Variants in GLUD1 observed in about 807,000 individuals in gnomAD.
GLUD1 encodes the protein glutamate dehydrogenase 1, mitochondrial.
A neutral mutation model predicts 56.0 loss-of-function variants in GLUD1; 22 were observed. That is an observed-to-expected ratio of 0.39 (90% CI 0.28 to 0.56). GLUD1 has a LOEUF of 0.56. Ranked by LOEUF, GLUD1 falls within the 20% of genes least tolerant of loss-of-function variation. The probability of loss-of-function intolerance (pLI) is 0.58; values close to 1 mark genes in which losing one functional copy is unlikely to be tolerated. For synonymous variants in GLUD1, 223 were observed against 269.9 expected, an observed-to-expected ratio of 0.83 and a Z score of 1.70; for missense variants, 451 against 732.0, an observed-to-expected ratio of 0.62 and a Z score of 4.43.
chr10:87,063,909 C>T (rs943872207), intron 5 of GLUD1, among the ~76,000 whole-genome samples: 7 of 151,360 alleles, frequency 4.6e-5, no homozygotes, highest in South Asian at 2.1e-4. Flanking sequence ...GACGGAGTCT[C>T]GCTCTGTCAC....
At chr10:87,074,524 T>C in intron 4 of GLUD1, 27 bp downstream of exon 4, 2 of 1,385,018 alleles carry the variant, frequency 1.4e-6, no homozygotes, top group Non-Finnish European at 2.1e-6. Context: ...TCCCACTTTA[T>C]ACCAAAAACT....
chr10:87,069,957 G>C (rs1846186664), intron 4 of GLUD1, among the ~76,000 whole-genome samples: 1 of 152,160 alleles, frequency 6.6e-6, no homozygotes, highest in Non-Finnish European at 1.5e-5. Flanking sequence ...ACTGACAAAA[G>C]GGCTCTCTGG....
chr10:87,057,837 A>G (rs555550604), intron 10 of GLUD1, 55 bp from the exon 11 acceptor site: 3 of 872,150 alleles, frequency 3.4e-6, no homozygotes, highest in South Asian at 2.7e-5. Flanking sequence ...AAAAAAAAAA[A>G]GTAGAATCAA....
At chr10:87,081,047 G>A (rs1198927563) in intron 1 of GLUD1, among the ~76,000 whole-genome samples, 5 of 120,656 alleles carry the variant, frequency 4.1e-5, no homozygotes, top group South Asian at 2.5e-4. Flanking sequence ...CCGGCCAGCC[G>A]CCCCGTCCGG....
At chr10:87,070,591 CTG>C (rs1378562007) in intron 4 of GLUD1, among the ~76,000 whole-genome samples, 1 of 152,070 alleles carries the variant, frequency 6.6e-6, no homozygotes, top group African/African-American at 2.4e-5. Context: ...GAGCGAGACT[CTG>C]TCTCAAAATC....
chr10:87,067,926 AAAAT>A, intron 5 of GLUD1, 133 bp downstream of exon 5: 2 of 676,148 alleles, frequency 3.0e-6, no homozygotes, highest in South Asian at 3.0e-5. Flanking sequence ...AAGTAGACAT[AAAAT>A]AATATGCACA....
intron 2 of GLUD1, among the ~76,000 whole-genome samples, chr10:87,076,289 C>A (rs4460730): frequency 0.36 from 54,871 of 151,952 alleles, 11,479 homozygotes; most frequent in East Asian, 0.69. Context: ...CTTATTTACT[C>A]TCCTTCTACT....
At chr10:87,060,444 CTTG>C in intron 8 of GLUD1, 1 of 652,652 alleles carries the variant, frequency 1.5e-6, no homozygotes, top group Non-Finnish European at 2.6e-6. Flanking sequence ...TTTTTGTTTG[CTTG>C]TTTTTTTTTT....
intron 5 of GLUD1, among the ~76,000 whole-genome samples, chr10:87,063,870 T>C (rs1216102097): frequency 6.6e-6 from 1 of 151,776 alleles, no homozygotes; most frequent in Non-Finnish European, 1.5e-5. Flanking sequence ...CATCTTTCTG[T>C]CCTCTTTCTT....
intron 1 of GLUD1, among the ~76,000 whole-genome samples, chr10:87,080,695 T>C (rs192189393): frequency 0.38 from 55,762 of 145,318 alleles, 11,059 homozygotes; most frequent in African/African-American, 0.52. Context: ...GGAGACCCTC[T>C]GCCCGGCAAC....
At position 87,051,779 on chromosome 10, in the gene GLUD1, TAC is replaced by T; in HGVS notation, c.1647_1648del (p.Tyr550GlnfsTer2). 1 of 1,613,028 alleles carries T rather than the reference TAC, an allele frequency of 6.2e-7. No homozygotes were observed. Among genetic ancestry groups the T allele is most frequent in the Non-Finnish European group, 8.5e-7 (1 of 1,179,988 alleles). On this transcript the variant is annotated frameshift_variant, in exon 13 of 13. Transcript: ENST00000277865. LOFTEE classifies it high-confidence loss of function. ...TGTGAAGGTCACACCAGCTTCATTG[TAC>T]ACTTTGAAGACTTTCTCAATGGCAT...
rs1846106194 is a variant in GLUD1 at position 87,067,379 on chromosome 10, C to T, written c.741+684G>A. The stretch of plus-strand genomic sequence containing the variant: ...TAGCTGGGATTATAGGTGTATACCA[C>T]CACGCTTGGCTAATTTTTGTATTTT... On this transcript the variant is annotated intron_variant, in intron 5 of 12. Transcript: ENST00000277865. Among the ~76,000 whole-genome samples, 3 of 152,156 alleles carry T rather than the reference C, an allele frequency of 2.0e-5. No individual in the cohort carries two copies. The South Asian group carries it at 6.2e-4, about 32-fold the overall frequency.
intron 4 of GLUD1, among the ~76,000 whole-genome samples, chr10:87,070,807 A>C (rs553692129): frequency 1.3e-5 from 2 of 152,138 alleles, no homozygotes; most frequent in African/African-American, 4.8e-5. Flanking sequence ...ACTCCATACA[A>C]AACTAATGTA....
At chr10:87,081,946 C>CAAAAAAAAAA (rs71019464) in intron 1 of GLUD1, among the ~76,000 whole-genome samples, 176 of 85,536 alleles carry the variant, frequency 2.1e-3, no homozygotes, top group Non-Finnish European at 2.6e-3. Flanking sequence ...ATGATCAATA[C>CAAAAAAAAAA]AAAAAAAAAA....
intron 11 of GLUD1, among the ~76,000 whole-genome samples, chr10:87,054,934 C>T (rs1845726750): frequency 6.6e-6 from 1 of 152,188 alleles, no homozygotes; most frequent in South Asian, 2.1e-4. Context: ...GTACCAGGAG[C>T]TGGGTAGATG....
intron 1 of GLUD1, among the ~76,000 whole-genome samples, chr10:87,081,267 T>A (rs1430796561): frequency 7.1e-6 from 1 of 141,534 alleles, no homozygotes; most frequent in Non-Finnish European, 1.5e-5. Context: ...TGGCTGCCCC[T>A]ACTGGGAAGT....
intron 4 of GLUD1, among the ~76,000 whole-genome samples, chr10:87,073,905 G>A (rs1244860077): frequency 5.3e-5 from 8 of 152,022 alleles, no homozygotes; most frequent in Admixed American, 2.0e-4. Flanking sequence ...ACAGGTGTGA[G>A]CCACCACGCT....
At chr10:87,073,285 T>C (rs1371387754) in intron 4 of GLUD1, among the ~76,000 whole-genome samples, 2 of 152,124 alleles carry the variant, frequency 1.3e-5, no homozygotes, top group Non-Finnish European at 2.9e-5. Context: ...ATCTTAGTAG[T>C]TGGGACCACA....
At position 87,058,867 on chromosome 10, in the gene GLUD1, G is replaced by A. The variant is rs567345779; in HGVS notation, c.1402+283C>T. 2.4e-3 allele frequency among the ~76,000 whole-genome samples: 362 copies of A among 152,124 alleles called. 2 individuals carry two copies. The highest frequency in any genetic ancestry group is 8.2e-3 in the African/African-American group (342 of 41,498). ...GTTCGTGCCACTGCACTCCAGCCTC[G>A]GCGACGGAGCGAGACTCCCTCTCAA... On this transcript the variant is annotated intron_variant, in intron 10 of 12. Coordinates refer to ENST00000277865, the MANE Select transcript of GLUD1 (RefSeq NM_005271.5).
Sources: gnomAD v4.1 joint callset for allele counts (sites outside exome capture counted in the v4.1 genomes callset) on GRCh38, gnomAD v4.1.1 for gene constraint, MANE v1.5 for transcripts, NCBI Gene and HGNC (gene_info 2026-07-23, HGNC 2026-07-21) for gene names.